HIF3A: variants seen among roughly 807,000 people sequenced by gnomAD.
The protein encoded by HIF3A is hypoxia inducible factor 3 subunit alpha, also known as hypoxia-inducible factor 3-alpha.
HIF3A carries 41 observed loss-of-function variants against 67.2 expected under a neutral mutation model. The ratio of observed to expected loss-of-function variants is 0.61; its 90% confidence interval spans 0.48 to 0.79. The LOEUF (loss-of-function observed/expected upper bound fraction) is 0.79. Among genes scored for constraint, HIF3A ranks in the 30% least tolerant of loss-of-function variants. The pLI is 0.00. For synonymous variants in HIF3A, 356 were observed against 374.8 expected (o/e 0.95, Z 0.58); for missense variants, 855 against 898.0 (o/e 0.95, Z 0.61).
In HIF3A at chr19:46,298,461, A is replaced by G. The variant is rs546739516; in HGVS notation, c.26+1359A>G. On this transcript the variant is annotated intron_variant, in intron 1 of 14. Coordinates refer to ENST00000377670, the MANE Select transcript of HIF3A (RefSeq NM_152795.4). ...CGCACCCGGGTCCTGGCTGCACCGC[A>G]TCCCCTCCTGCACCCCCTGGATGGC... 2.3e-4 allele frequency: 300 copies of G among 1,286,676 alleles called. 2 individuals are homozygous for G. The African/African-American group carries it at 4.2e-3, about 18-fold the overall frequency. The allele number at this position is 1,286,676 out of a possible 1,614,324, so 79.7% of individuals were successfully genotyped here.
At chr19:46,321,352 G>C (rs1970346144) in intron 9 of HIF3A, among the ~76,000 whole-genome samples, 1 of 152,176 alleles carries the variant, frequency 6.6e-6, no homozygotes, top group Non-Finnish European at 1.5e-5. Flanking sequence ...GGGAGGCCGA[G>C]GTGGGCGGAT....
At chr19:46,313,187 G>C in intron 8 of HIF3A, 1 of 603,290 alleles carries the variant, frequency 1.7e-6, no homozygotes, top group Non-Finnish European at 2.1e-6. Context: ...GGTGGTGGAG[G>C]CTGCAGTGAG....
intron 13 of HIF3A, among the ~76,000 whole-genome samples, chr19:46,334,390 C>T (rs1012462964): frequency 6.6e-6 from 1 of 152,168 alleles, no homozygotes; most frequent in South Asian, 2.1e-4. Flanking sequence ...CCATGCCCAG[C>T]TTATTTCATT....
intron 3 of HIF3A, among the ~76,000 whole-genome samples, chr19:46,307,959 TAGACAGACAGAC>T (rs750066520): frequency 4.3e-4 from 46 of 105,884 alleles, no homozygotes; most frequent in African/African-American, 1.2e-3. Flanking sequence ...GACAGATAGG[TAGACAGACAGAC>T]AGACAGACAG....
chr19:46,303,665 A>C (rs779353146), intron 1 of HIF3A: 2 of 1,587,182 alleles, frequency 1.3e-6, no homozygotes, highest in Admixed American at 3.7e-5. Flanking sequence ...CGCCAGAGGC[A>C]CCATGGACTG....
chr19:46,328,728 GT>G (rs113726953), intron 11 of HIF3A, among the ~76,000 whole-genome samples: 28,767 of 145,746 alleles, frequency 0.2, 4,158 homozygotes, highest in African/African-American at 0.41. Context: ...ATTTAGGTTT[GT>G]TTTTTTTTTT....
chr19:46,312,790 G>A (rs1052141074), intron 8 of HIF3A, 137 bp downstream of exon 8: 26 of 1,417,478 alleles, frequency 1.8e-5, no homozygotes, highest in South Asian at 4.9e-5. Context: ...GAGTGTGCAC[G>A]TGTACACATA....
At position 46,312,881 on chromosome 19, in the gene HIF3A, A is replaced by ATT. The variant is rs1568516507; in HGVS notation, c.1025+228_1025+229insTT. ...TATGTGTATGGGTGTGTAGACTGTT[A>ATT]ATTTTTTTTTTTTTTTTTTTTTTTT... is the stretch of plus-strand genomic sequence containing the variant. On this transcript the variant is annotated intron_variant, in intron 8 of 14. Transcript: ENST00000377670. 7 of 944,378 alleles carry ATT rather than the reference A, an allele frequency of 7.4e-6. No individual in the cohort carries two copies. The African/African-American group carries it at 1.4e-4, about 19-fold the overall frequency. The allele number at this position is 944,378 out of a possible 1,614,324, so 58.5% of individuals were successfully genotyped here. A position where few individuals can be genotyped will look rare whatever the true frequency, so the allele number is the denominator to read the frequency against.
chr19:46,297,597 T>C lies in HIF3A; in HGVS notation c.26+495T>C, dbSNP rs952324063. Among the ~76,000 whole-genome samples, 2 of 152,030 alleles carry C rather than the reference T, an allele frequency of 1.3e-5. No individual in the cohort carries two copies. The highest frequency in any genetic ancestry group is 2.9e-5 in the Non-Finnish European group (2 of 67,978). On this transcript the variant is annotated intron_variant, in intron 1 of 14. Transcript: ENST00000377670. The surrounding 1 kb of genome is among the most constrained non-coding windows in gnomAD (Gnocchi z 4.5). ...TATAGGGAGTCCCTTGGAATGGCAT[T>C]CAGCTCCTGAGTTCAAGAGAGGAGA...
chr19:46,315,479 C>T (rs1177694023), intron 8 of HIF3A, among the ~76,000 whole-genome samples: 2 of 149,262 alleles, frequency 1.3e-5, no homozygotes, highest in Non-Finnish European at 3.0e-5. Flanking sequence ...TGGGCTGTTT[C>T]CAAGTTTGGG....
Position 46,309,368 on chromosome 19 carries a change from G to C in HIF3A, c.770+9G>C. The C allele has an allele frequency of 6.3e-7, 1 of 1,587,750 alleles. No homozygotes were observed. Among genetic ancestry groups the C allele is most frequent in the South Asian group, 1.1e-5 (1 of 87,762 alleles). ...ACCTACTGTGACGACAGGTGGGCAG[G>C]GGCCCCCTCTTCCGTCTGCCCAAGT... is the stretch of plus-strand genomic sequence containing the variant. On this transcript the variant is annotated intron_variant, in intron 6 of 14. Coordinates refer to ENST00000377670, the MANE Select transcript of HIF3A (RefSeq NM_152795.4).
At chr19:46,305,116 C>G (rs1968717948) in intron 2 of HIF3A, 129 bp from the exon 3 acceptor site, 2 of 1,327,006 alleles carry the variant, frequency 1.5e-6, no homozygotes, top group Admixed American at 1.7e-5. Context: ...GGATGTACCC[C>G]CACTTCCTTG....
At chr19:46,312,761 T>C (rs1969564453) in intron 8 of HIF3A, 108 bp downstream of exon 8, 2 of 1,472,932 alleles carry the variant, frequency 1.4e-6, no homozygotes, top group Non-Finnish European at 1.8e-6. Context: ...ATGTGTATCA[T>C]GCATAAGTGT....
intron 14 of HIF3A, among the ~76,000 whole-genome samples, chr19:46,339,122 T>G (rs1457868391): frequency 6.6e-6 from 1 of 152,134 alleles, no homozygotes; most frequent in African/African-American, 2.4e-5. Context: ...CCTTTCCTTA[T>G]TTAAAAAAAG....
chr19:46,329,148 C>T (rs1970997381), intron 11 of HIF3A, 59 bp from the exon 12 acceptor site: 13 of 1,486,402 alleles, frequency 8.7e-6, no homozygotes, highest in Non-Finnish European at 1.2e-5. Flanking sequence ...GCTGGGACTT[C>T]AGCCAAGGTC....
At position 46,304,042 on chromosome 19, in the gene HIF3A, G is replaced by T; in HGVS notation, c.171G>T (p.Met57Ile). The T allele has an allele frequency of 6.3e-7, 1 of 1,587,920 alleles. No homozygotes were observed. The highest frequency in any genetic ancestry group is 1.1e-5 in the South Asian group (1 of 87,356). Residue 57 changes from methionine to isoleucine, a missense_variant, in exon 2 of 15, where the codon ATG (methionine) becomes ATT (isoleucine). This residue lies in a region of HIF3A where 638 missense variants were observed against 660.5 expected (regional missense o/e 0.97). Transcript: ENST00000377670. ...VSAHLDKASI[M>I]RLTISYLRMH... Reference sequence around the variant, plus strand: ...CCCACCTGGACAAGGCCTCTATCATGCGCCTCACCATCAGCTACCTGCGCA... The same window carrying T: ...CCCACCTGGACAAGGCCTCTATCATTCGCCTCACCATCAGCTACCTGCGCA...
chr19:46,310,078 A>G (rs1043354568), intron 6 of HIF3A, among the ~76,000 whole-genome samples: 2 of 152,152 alleles, frequency 1.3e-5, no homozygotes, highest in Non-Finnish European at 2.9e-5. Context: ...TACAAAAATT[A>G]GCTGGGCATG....
chr19:46,325,393 T>C, intron 10 of HIF3A, 142 bp from the exon 11 acceptor site: 2 of 652,102 alleles, frequency 3.1e-6, no homozygotes, highest in Non-Finnish European at 5.5e-6. Context: ...TCAAAACTCA[T>C]CTGCATTTGC....
At chr19:46,313,909 C>T (rs140070714) in intron 8 of HIF3A, among the ~76,000 whole-genome samples, 8,785 of 152,080 alleles carry the variant, frequency 0.058, 469 homozygotes, top group African/African-American at 0.13. Flanking sequence ...TGATCCACCC[C>T]CCTCAGCCTC....
Sources: gnomAD v4.1 joint callset for allele counts (sites outside exome capture counted in the v4.1 genomes callset) on GRCh38, gnomAD v4.1.1 for gene constraint, gnomAD v4.1.1 regional missense constraint, Gnocchi (gnomAD v3.1) non-coding constraint, MANE v1.5 for transcripts, NCBI Gene and HGNC (gene_info 2026-07-23, HGNC 2026-07-21) for gene names.